MAP3K7CL: variants seen among roughly 807,000 people sequenced by gnomAD.
MAP3K7CL encodes the protein MAP3K7 C-terminal-like protein.
In MAP3K7CL, 16 loss-of-function variants were observed where a neutral mutation model predicts 18.6. The ratio of observed to expected loss-of-function variants is 0.86; its 90% confidence interval spans 0.58 to 1.31. MAP3K7CL has a LOEUF of 1.31. Ranked by LOEUF, MAP3K7CL falls within the 50% of genes most tolerant of loss-of-function variation. The probability of loss-of-function intolerance (pLI) is 0.00; values close to 1 mark genes in which losing one functional copy is unlikely to be tolerated. For missense variants in MAP3K7CL, 163 were observed against 174.4 expected, an observed-to-expected ratio of 0.93 and a Z score of 0.37; for synonymous variants, 65 against 66.8, an observed-to-expected ratio of 0.97 and a Z score of 0.13.
chr21:29,100,478 A>C (rs886641991), intron 4 of MAP3K7CL, among the ~76,000 whole-genome samples: 1 of 152,314 alleles, frequency 6.6e-6, no homozygotes, highest in South Asian at 2.1e-4. Flanking sequence ...TCAGAGCCAC[A>C]CTGGATTTAA....
chr21:29,109,934 G>A (rs752832737), intron 4 of MAP3K7CL: 31 of 322,542 alleles, frequency 9.6e-5, no homozygotes, highest in Non-Finnish European at 1.3e-4. Flanking sequence ...GCAATGTGTA[G>A]TAGATTTCTC....
At chr21:29,077,929 G>A (rs551441855) in intron 1 of MAP3K7CL, among the ~76,000 whole-genome samples, 1 of 152,198 alleles carries the variant, frequency 6.6e-6, no homozygotes, top group Non-Finnish European at 1.5e-5. Context: ...AGGATTGGGG[G>A]TTGGGGATGT....
At chr21:29,146,060 CT>C (rs554452223) in intron 2 of MAP3K7CL, among the ~76,000 whole-genome samples, 103 of 146,022 alleles carry the variant, frequency 7.1e-4, no homozygotes, top group South Asian at 3.5e-3. Context: ...AAATGGATAA[CT>C]TTTTTTTTTT....
chr21:29,174,662 G>A, intron 4 of MAP3K7CL, 50 bp from the exon 5 acceptor site: 1 of 1,585,892 alleles, frequency 6.3e-7, no homozygotes, highest in Non-Finnish European at 8.6e-7. Flanking sequence ...AATTTAATTT[G>A]CTTGCATTGA....
intron 3 of MAP3K7CL, among the ~76,000 whole-genome samples, chr21:29,157,624 GA>G (rs2087438690): frequency 6.6e-6 from 1 of 152,144 alleles, no homozygotes; most frequent in Non-Finnish European, 1.5e-5. Context: ...AGCACGTGTG[GA>G]TATCTTGAAA....
intron 2 of MAP3K7CL, among the ~76,000 whole-genome samples, chr21:29,142,713 G>T (rs936492746): frequency 6.6e-6 from 1 of 152,160 alleles, no homozygotes; most frequent in South Asian, 2.1e-4. Flanking sequence ...GTTATTACTG[G>T]TTATTTCCTA....
intron 4 of MAP3K7CL, among the ~76,000 whole-genome samples, chr21:29,171,936 A>G (rs2087842896): frequency 6.6e-6 from 1 of 151,732 alleles, no homozygotes; most frequent in Admixed American, 6.6e-5. Context: ...TCTCTCATAC[A>G]CACACATATA....
chr21:29,106,552 C>T (rs1202756785), intron 4 of MAP3K7CL, among the ~76,000 whole-genome samples: 2 of 152,184 alleles, frequency 1.3e-5, no homozygotes, highest in East Asian at 1.9e-4. Context: ...TTCTCTCAGT[C>T]TGGGGCCCTT....
At chr21:29,143,306 T>A (rs2087049364) in intron 2 of MAP3K7CL, among the ~76,000 whole-genome samples, 1 of 152,094 alleles carries the variant, frequency 6.6e-6, no homozygotes, top group African/African-American at 2.4e-5. Flanking sequence ...ATTCAGTGGA[T>A]CCTGGGCAAG....
chr21:29,122,855 C>T (rs752782447), intron 4 of MAP3K7CL, among the ~76,000 whole-genome samples: 16 of 151,984 alleles, frequency 1.1e-4, no homozygotes, highest in Non-Finnish European at 2.4e-4. Flanking sequence ...CCTCTTCTAC[C>T]CAGTATTTTC....
intron 4 of MAP3K7CL, among the ~76,000 whole-genome samples, chr21:29,169,160 A>G (rs1423868202): frequency 2.0e-5 from 3 of 152,192 alleles, no homozygotes; most frequent in Admixed American, 6.5e-5. Flanking sequence ...ACAGTGCCCA[A>G]CGACAAAGAA....
chr21:29,100,913 C>T (rs1447680971), intron 4 of MAP3K7CL, among the ~76,000 whole-genome samples: 1 of 151,622 alleles, frequency 6.6e-6, no homozygotes, highest in Non-Finnish European at 1.5e-5. Context: ...AGGGTTTCAC[C>T]GGGTTAGCCA....
intron 3 of MAP3K7CL, among the ~76,000 whole-genome samples, chr21:29,157,895 C>T (rs369407248): frequency 3.5e-4 from 53 of 152,330 alleles, no homozygotes; most frequent in African/African-American, 1.2e-3. Flanking sequence ...TCCCTTTACA[C>T]GGCTGCTCTC....
intron 2 of MAP3K7CL, among the ~76,000 whole-genome samples, chr21:29,133,708 G>A (rs1176092449): frequency 1.3e-5 from 2 of 152,098 alleles, no homozygotes; most frequent in Non-Finnish European, 2.9e-5. Context: ...TCTAACAATA[G>A]CAAAGTGTGT....
intron 4 of MAP3K7CL, among the ~76,000 whole-genome samples, chr21:29,122,713 G>T (rs578157390): frequency 6.6e-6 from 1 of 152,226 alleles, no homozygotes; most frequent in East Asian, 1.9e-4. Context: ...GTTTTTCTGG[G>T]TACAGGATGG....
upstream of MAP3K7CL, chr21:29,130,486 A>G (rs998552130): frequency 1.1e-5 from 6 of 528,254 alleles, no homozygotes; most frequent in Non-Finnish European, 1.5e-5. Context: ...CGATTGGGTC[A>G]CGCTGAAGAC....
rs2087503139 is a variant in MAP3K7CL, at chr21:29,159,942, C to T, written c.134C>T (p.Pro45Leu). Residue 45 changes from proline (P) to leucine (L), a missense_variant and splice_region_variant, in exon 4 of 5, where the codon CCC becomes CTC. By Grantham distance (98) the Pro-to-Leu change is moderately conservative. Coordinates refer to ENST00000399928, the MANE Select transcript of MAP3K7CL (RefSeq NM_001286620.2). Reference protein sequence around the residue: ...VFPELDQQLQPLPPCHDSEES... With the variant: ...VFPELDQQLQLLPPCHDSEES... ...AATTTCTTCTTGTTGTTTGTGAAGC[C>T]CCTGCCGCCTTGTCATGACTCCGAG... The T allele has an allele frequency of 6.2e-7, 1 of 1,612,050 alleles. No individual in the cohort carries two copies. Among genetic ancestry groups the T allele is most frequent in the Non-Finnish European group, 8.5e-7 (1 of 1,178,670 alleles).
chr21:29,147,215 A>T (rs1209718197), intron 2 of MAP3K7CL, among the ~76,000 whole-genome samples: 1 of 152,086 alleles, frequency 6.6e-6, no homozygotes, highest in East Asian at 1.9e-4. Flanking sequence ...CTGTAAATGT[A>T]TATATGTATA....
chr21:29,120,184 CTT>C (rs59143891), intron 4 of MAP3K7CL, among the ~76,000 whole-genome samples: 2 of 144,004 alleles, frequency 1.4e-5, no homozygotes, highest in African/African-American at 2.6e-5. Context: ...GGGGAATTTT[CTT>C]TTTTTTTTTG....
Sources: allele counts gnomAD v4.1 joint callset (sites outside exome capture counted in the v4.1 genomes callset), GRCh38; gene constraint gnomAD v4.1.1; transcripts MANE v1.5; gene names NCBI Gene and HGNC (gene_info 2026-07-23, HGNC 2026-07-21).